LRRC34: variants seen among roughly 807,000 people sequenced by gnomAD.
LRRC34 encodes leucine-rich repeat-containing protein 34.
In LRRC34, 44 loss-of-function variants were observed where a neutral mutation model predicts 48.5. The ratio of observed to expected loss-of-function variants is 0.91; its 90% CI spans 0.71 to 1.17. The LOEUF (loss-of-function observed/expected upper bound fraction) is 1.17. Among genes scored for constraint, LRRC34 ranks in the 50% most tolerant of loss-of-function variants. The pLI is 0.00. For synonymous variants in LRRC34, 192 were observed against 197.6 expected (o/e 0.97, Z 0.24); for missense variants, 502 against 563.0 (o/e 0.89, Z 1.10).
In LRRC34 at chr3:169,796,278, TTC is replaced by T; in HGVS notation, c.998_999del (p.Arg333AsnfsTer11). ...TLEVIDLSFN[R>X]IENAGANYLS... ...AGATAGTTTGCGCCTGCATTTTCTA[TTC>T]TGTTAAAGGAAAGATCTATTACTTC... is the stretch of plus-strand genomic sequence containing the variant. On this transcript the variant is annotated frameshift_variant, in exon 9 of 11. Transcript: ENST00000446859. LOFTEE classifies it high-confidence loss of function. The T allele has an allele frequency of 6.2e-7, 1 of 1,612,872 alleles. No homozygotes were observed. The highest frequency in any genetic ancestry group is 2.2e-5 in the East Asian group (1 of 44,734).
chr3:169,806,054 G>T (rs1405841945), intron 5 of LRRC34, among the ~76,000 whole-genome samples: 1 of 152,156 alleles, frequency 6.6e-6, no homozygotes, highest in African/African-American at 2.4e-5. Context: ...TAGTAATCAA[G>T]ATAGTGTGGT....
At chr3:169,799,529 T>C (rs903326836) in intron 7 of LRRC34, among the ~76,000 whole-genome samples, 7 of 151,868 alleles carry the variant, frequency 4.6e-5, no homozygotes, top group African/African-American at 1.7e-4. Context: ...TGGTGGTGCA[T>C]ACCTGTGGTC....
At chr3:169,799,523 G>A (rs1779113724) in intron 7 of LRRC34, among the ~76,000 whole-genome samples, 1 of 152,052 alleles carries the variant, frequency 6.6e-6, no homozygotes, top group Admixed American at 6.5e-5. Context: ...TGGGCATGGT[G>A]GTGCATACCT....
rs1293770598 is a variant in LRRC34, at chr3:169,795,580, C to T, written c.1096G>A (p.Glu366Lys). 3 of 1,612,746 alleles carry T rather than the reference C, an allele frequency of 1.9e-6. No individual in the cohort carries two copies. Among genetic ancestry groups the T allele is most frequent in the South Asian group, 1.1e-5 (1 of 90,994 alleles). ...LSVVSNNIEG[E>K]GLVALSQSMK... is the part of the protein sequence containing the mutation. ...GATTGTGAAAGTGCAACAAGTCCTTCTCCCTCTATGTTGTTGCTGACTACT... is the reference window on the plus strand; with the variant it reads ...GATTGTGAAAGTGCAACAAGTCCTTTTCCCTCTATGTTGTTGCTGACTACT... Residue 366 changes from glutamate (E) to lysine (K), a missense_variant, in exon 10 of 11, where the codon GAA becomes AAA. Glu to Lys is a moderately conservative substitution (Grantham distance 56). Coordinates refer to ENST00000446859, the MANE Select transcript of LRRC34 (RefSeq NM_001172779.2).
chr3:169,808,795 T>TAA (rs752563567), intron 1 of LRRC34, 50 bp from the exon 2 acceptor site: 1 of 1,062,658 alleles, frequency 9.4e-7, no homozygotes, highest in South Asian at 1.4e-5. Flanking sequence ...CTAGAAGCTT[T>TAA]AAAAAAAACC....
chr3:169,804,530 C>T (rs1044526914), intron 5 of LRRC34, among the ~76,000 whole-genome samples: 3 of 152,094 alleles, frequency 2.0e-5, no homozygotes, highest in South Asian at 2.1e-4. Context: ...GATCTGACCT[C>T]GTGATCTGCC....
chr3:169,804,082 C>G lies in LRRC34; in HGVS notation c.628G>C (p.Glu210Gln), dbSNP rs770213808. The change falls in exon 6 of 11, where the codon GAG becomes CAG. Residue 210 changes from glutamate to glutamine, a missense_variant. Glu to Gln is a conservative substitution (Grantham distance 29). Coordinates refer to ENST00000446859, the MANE Select transcript of LRRC34 (RefSeq NM_001172779.2). ...TCACAGTCACCCAGATCTAATTTCT[C>G]TAATGATGAATTAATTTGCAGCATT... ...AAMLQINSSL[E>Q]KLDLGDCDLG... 1.6e-5 allele frequency: 26 copies of G among 1,595,726 alleles called. No homozygotes were observed. The highest frequency in any genetic ancestry group is 1.7e-4 in the Middle Eastern group (1 of 6,026).
At chr3:169,808,578 A>G (rs1779461100) in intron 2 of LRRC34, 50 bp downstream of exon 2, 1 of 1,006,510 alleles carries the variant, frequency 9.9e-7, no homozygotes, top group Non-Finnish European at 1.5e-6. Flanking sequence ...TTTCACACAC[A>G]TGAATATAAG....
intron 6 of LRRC34, 151 bp downstream of exon 6, chr3:169,803,902 A>G (rs1779278803): frequency 1.8e-6 from 1 of 543,248 alleles, no homozygotes; most frequent in Non-Finnish European, 3.0e-6. Flanking sequence ...GTCTGATTTT[A>G]TTAATAATCT....
intron 5 of LRRC34, among the ~76,000 whole-genome samples, chr3:169,805,639 C>T (rs1779342430): frequency 6.6e-6 from 1 of 152,048 alleles, no homozygotes; most frequent in Non-Finnish European, 1.5e-5. Flanking sequence ...AATCCCAGCA[C>T]TTTGGGAGGC....
At chr3:169,804,229 C>A (rs1223678654) in intron 5 of LRRC34, 48 bp from the exon 6 acceptor site, 6 of 1,445,640 alleles carry the variant, frequency 4.2e-6, no homozygotes, top group Non-Finnish European at 5.6e-6. Flanking sequence ...CCACAGAATT[C>A]TATATATTAC....
intron 1 of LRRC34, among the ~76,000 whole-genome samples, chr3:169,809,092 T>C (rs1779477182): frequency 6.6e-6 from 1 of 152,048 alleles, no homozygotes; most frequent in Admixed American, 6.6e-5. Context: ...AAAGAAATTG[T>C]ATATTTTGTC....
Position 169,793,435 on chromosome 3 carries a change from A to C in LRRC34, c.*200T>G. 1 of 466,270 alleles carries C rather than the reference A, an allele frequency of 2.1e-6. No homozygotes were observed. Among genetic ancestry groups the C allele is most frequent in the Non-Finnish European group, 3.7e-6 (1 of 267,720 alleles). The allele number at this position is 466,270 out of a possible 1,614,324, so 28.9% of individuals were successfully genotyped here. A position where few individuals can be genotyped will look rare whatever the true frequency, so the allele number is the denominator to read the frequency against. ...CTCCAGGGTTAGAATTTTAGTCTCT[A>C]TATTGTAAAATTTCTTTTAAAAAAT... is the stretch of plus-strand genomic sequence containing the variant. On this transcript the variant is annotated 3_prime_UTR_variant, in exon 11 of 11. Coordinates refer to ENST00000446859, the MANE Select transcript of LRRC34 (RefSeq NM_001172779.2).
rs1430035756 is a variant in LRRC34, at chr3:169,807,571, T to C, written c.379+17A>G. On this transcript the variant is annotated intron_variant, in intron 3 of 10. Transcript: ENST00000446859. ...ATCAATGAAAAGCAGGAGGTATTGATTCTTATGGAAACATACCATTAATAT... is the reference window on the plus strand; with the variant it reads ...ATCAATGAAAAGCAGGAGGTATTGACTCTTATGGAAACATACCATTAATAT... The C allele has an allele frequency of 2.5e-6, 4 of 1,612,666 alleles. No individual in the cohort carries two copies. Among genetic ancestry groups the C allele is most frequent in the Non-Finnish European group, 3.4e-6 (4 of 1,179,188 alleles).
At chr3:169,796,684 A>G in intron 8 of LRRC34, 61 bp downstream of exon 8, 1 of 1,476,388 alleles carries the variant, frequency 6.8e-7, no homozygotes, top group East Asian at 2.5e-5. Flanking sequence ...TACCATGAAT[A>G]TTTATATAGA....
chr3:169,807,012 TACA>T, intron 4 of LRRC34, 81 bp from the exon 5 acceptor site: 1 of 667,688 alleles, frequency 1.5e-6, no homozygotes, highest in Non-Finnish European at 2.6e-6. Context: ...CATATACACA[TACA>T]GTATATACTT....
intron 10 of LRRC34, 49 bp from the exon 11 acceptor site, chr3:169,793,887 A>G (rs767340719): frequency 7.7e-7 from 1 of 1,298,154 alleles, no homozygotes; most frequent in South Asian, 1.3e-5. Context: ...AATGTATTCA[A>G]TTTACAGTGC....
chr3:169,802,613 T>C (rs1779232754), intron 6 of LRRC34, among the ~76,000 whole-genome samples: 2 of 152,138 alleles, frequency 1.3e-5, no homozygotes, highest in Admixed American at 1.3e-4. Context: ...ATGACTGGTA[T>C]GTGGAGATGA....
chr3:169,804,050 C>T lies in LRRC34; in HGVS notation c.657+3G>A. The T allele has an allele frequency of 2.5e-6, 4 of 1,575,732 alleles. No homozygotes were observed. In the East Asian group the frequency reaches 9.1e-5, roughly 36 times the overall value. ...ATGATTTTCTCATAACCAGTTTACT[C>T]ACCAGATCACAGTCACCCAGATCTA... is the stretch of plus-strand genomic sequence containing the variant. On this transcript the variant is annotated splice_donor_region_variant and intron_variant, in intron 6 of 10. Transcript: ENST00000446859.
Sources: gnomAD v4.1 joint callset for allele counts (sites outside exome capture counted in the v4.1 genomes callset) on GRCh38, gnomAD v4.1.1 for gene constraint, MANE v1.5 for transcripts, NCBI Gene and HGNC (gene_info 2026-07-23, HGNC 2026-07-21) for gene names.